FECH: variants seen among roughly 807,000 people sequenced by gnomAD.
FECH encodes ferrochelatase, also known as ferrochelatase, mitochondrial.
FECH carries 40 observed loss-of-function variants against 56.9 expected under a neutral mutation model. That is an observed-to-expected ratio of 0.70 (90% confidence interval 0.55 to 0.92). FECH has a LOEUF of 0.92. Ranked by LOEUF, FECH falls within the 40% of genes least tolerant of loss-of-function variation. FECH has a pLI of 0.00. For missense variants in FECH, 431 were observed against 529.1 expected, an observed-to-expected ratio of 0.81 and a Z score of 1.82; for synonymous variants, 175 against 198.6, an observed-to-expected ratio of 0.88 and a Z score of 1.00.
intron 4 of FECH, among the ~76,000 whole-genome samples, chr18:57,570,034 T>TC (rs1174840350): frequency 1.3e-4 from 3 of 22,510 alleles, no homozygotes; most frequent in Admixed American, 5.4e-4. Flanking sequence ...GTTGTTGTCG[T>TC]GTGTGTGTGT....
chr18:57,582,061 C>CG (rs11407406), intron 1 of FECH, among the ~76,000 whole-genome samples: 1 of 152,096 alleles, frequency 6.6e-6, no homozygotes. Flanking sequence ...TCCTTTTTTA[C>CG]TAAGTTTAAT....
At chr18:57,584,466 A>G (rs893615380) in intron 1 of FECH, among the ~76,000 whole-genome samples, 1 of 152,120 alleles carries the variant, frequency 6.6e-6, no homozygotes, top group African/African-American at 2.4e-5. Context: ...AGAAATAAAG[A>G]AAAAGGAAAA....
chr18:57,575,374 A>G (rs533893684), intron 2 of FECH, among the ~76,000 whole-genome samples: 5 of 152,320 alleles, frequency 3.3e-5, no homozygotes, highest in African/African-American at 1.2e-4. Context: ...AATGCTGCTG[A>G]GACAGAGCCT....
chr18:57,570,850 A>C lies in FECH; in HGVS notation c.463+542T>G, dbSNP rs575926879. On this transcript the variant is annotated intron_variant, in intron 4 of 10. Coordinates refer to ENST00000262093, the MANE Select transcript of FECH (RefSeq NM_000140.5). The stretch of plus-strand genomic sequence containing the variant: ...TCTGGATAGAGGTTCTCAGATGTGC[A>C]CAATCCTCTTTTTGGTGCCACGTCC... Among the ~76,000 whole-genome samples the C allele has an allele frequency of 2.0e-5, 3 of 152,354 alleles. No individual in the cohort carries two copies. The South Asian group carries it at 6.2e-4, about 32-fold the overall frequency.
At position 57,556,637 on chromosome 18, in the gene FECH, G is replaced by A. The variant is rs183948477; in HGVS notation, c.805-1685C>T. 2.0e-4 allele frequency among the ~76,000 whole-genome samples: 31 copies of A among 152,256 alleles called. No individual in the cohort carries two copies. The East Asian group carries it at 3.1e-3, about 15-fold the overall frequency. On this transcript the variant is annotated intron_variant, in intron 7 of 10. Transcript: ENST00000262093. ...CAGAAATATCAACGTGTGGTGGGGC[G>A]TGGCGCCTCACACCTACAATCTCAG... is the stretch of plus-strand genomic sequence containing the variant.
At chr18:57,564,989 C>T (rs867813481) in intron 5 of FECH, among the ~76,000 whole-genome samples, 2 of 152,206 alleles carry the variant, frequency 1.3e-5, no homozygotes, top group South Asian at 2.1e-4. Flanking sequence ...TAACGTACTT[C>T]GCAAAGCCTT....
In FECH at chr18:57,544,819, G is replaced by A. The variant is rs938645580; in HGVS notation, c.*5893C>T. Among the ~76,000 whole-genome samples, 2 of 152,090 alleles carry A rather than the reference G, an allele frequency of 1.3e-5. No homozygotes were observed. The highest frequency in any genetic ancestry group is 4.8e-5 in the African/African-American group (2 of 41,386). ...TCTAAATAATCAACGACAAAAAAAA[G>A]GGCGAAATAATTAGAAAGTAATGAA... On this transcript the variant is annotated 3_prime_UTR_variant, in exon 11 of 11. Coordinates refer to ENST00000262093, the MANE Select transcript of FECH (RefSeq NM_000140.5).
At position 57,572,507 on chromosome 18, in the gene FECH, C is replaced by T. The variant is rs1184956766; in HGVS notation, c.314+739G>A. ...AGCACACCAACATGGCACATGTATA[C>T]GTATGTAAAAAAAAAAAAAAAAAAA... is the stretch of plus-strand genomic sequence containing the variant. On this transcript the variant is annotated intron_variant, in intron 3 of 10. Coordinates refer to ENST00000262093, the MANE Select transcript of FECH (RefSeq NM_000140.5). Among the ~76,000 whole-genome samples, 3 of 77,562 alleles carry T rather than the reference C, an allele frequency of 3.9e-5. 1 individual carries two copies. In the South Asian group the frequency reaches 1.7e-3, roughly 43 times the overall value. 50.9% of individuals were successfully genotyped at this position (77,562 alleles called of 152,430 possible).
Position 57,566,494 on chromosome 18 carries a change from C to G in FECH, c.551G>C (p.Arg184Thr), listed in dbSNP as rs200362247. 1 of 1,614,184 alleles carries G rather than the reference C, an allele frequency of 6.2e-7. No homozygotes were observed. Among genetic ancestry groups the G allele is most frequent in the African/African-American group, 1.3e-5 (1 of 75,066 alleles). The change falls in exon 5 of 11, where the codon AGG becomes ACG. Residue 184 changes from arginine to threonine, a missense_variant. Coordinates refer to ENST00000262093, the MANE Select transcript of FECH (RefSeq NM_000140.5). The stretch of plus-strand genomic sequence containing the variant: ...TGGATACTGTGTGAAAGCAATAGCC[C>G]TTTCTAGGCCATCTCTCTCCATCTC... ...IEEMERDGLERAIAFTQYPQY... is the reference protein window; with the variant it reads ...IEEMERDGLETAIAFTQYPQY...
intron 4 of FECH, among the ~76,000 whole-genome samples, chr18:57,568,427 A>G (rs1413517474): frequency 6.6e-6 from 1 of 152,226 alleles, no homozygotes; most frequent in Non-Finnish European, 1.5e-5. Flanking sequence ...CAACCTGTAA[A>G]CACATATTGG....
chr18:57,555,034 G>A, intron 7 of FECH, 82 bp from the exon 8 acceptor site: 2 of 1,081,254 alleles, frequency 1.8e-6, no homozygotes, highest in Non-Finnish European at 2.9e-6. Flanking sequence ...GACACAGTGT[G>A]AGCCCTGGAA....
rs113052575 is a variant in FECH at position 57,584,547 on chromosome 18, G to A, written c.67+2007C>T. Among the ~76,000 whole-genome samples, 320 of 152,072 alleles carry A rather than the reference G, an allele frequency of 2.1e-3. 2 individuals are homozygous for A. Among genetic ancestry groups the A allele is most frequent in the African/African-American group, 7.5e-3 (310 of 41,456 alleles). On this transcript the variant is annotated intron_variant, in intron 1 of 10. Transcript: ENST00000262093. ...ATTAATATTTTGGATCCTTGTGGGC[G>A]AGGCAGAAGAGGGTGGGGGGCGAGA...
At chr18:57,555,075 A>G in intron 7 of FECH, 123 bp from the exon 8 acceptor site, 2 of 758,490 alleles carry the variant, frequency 2.6e-6, no homozygotes, top group Non-Finnish European at 4.6e-6. Flanking sequence ...TCCTGCACCA[A>G]TGATGATATG....
intron 5 of FECH, 33 bp downstream of exon 5, chr18:57,566,414 T>G: frequency 6.2e-7 from 1 of 1,614,036 alleles, no homozygotes; most frequent in Non-Finnish European, 8.5e-7. Flanking sequence ...CAGCACCGTA[T>G]CTACCTTTCC....
intron 6 of FECH, among the ~76,000 whole-genome samples, chr18:57,561,759 A>G (rs562620907): frequency 6.6e-6 from 1 of 152,260 alleles, no homozygotes; most frequent in African/African-American, 2.4e-5. Context: ...CCACATGTCA[A>G]TGCTGACCTG....
chr18:57,583,481 C>T (rs2122372079), intron 1 of FECH, among the ~76,000 whole-genome samples: 1 of 152,362 alleles, frequency 6.6e-6, no homozygotes, highest in African/African-American at 2.4e-5. Context: ...AAGGCTACTT[C>T]TGCAGGGCTG....
intron 2 of FECH, 149 bp downstream of exon 2, chr18:57,579,924 A>G (rs1423942095): frequency 1.4e-5 from 14 of 1,022,546 alleles, no homozygotes; most frequent in Non-Finnish European, 2.1e-5. Flanking sequence ...TGTAAAATCT[A>G]TGGTTTAACA....
At chr18:57,551,887 CTTTT>C (rs201249549) in intron 9 of FECH, among the ~76,000 whole-genome samples, 1 of 141,402 alleles carries the variant, frequency 7.1e-6, no homozygotes, top group Admixed American at 7.1e-5. Flanking sequence ...ATTCTTTTTT[CTTTT>C]TTTTTTTTTT....
rs978799969 is a variant in FECH at position 57,552,837 on chromosome 18, T to C, written c.1077+1423A>G. Among the ~76,000 whole-genome samples the C allele has an allele frequency of 7.2e-5, 11 of 152,272 alleles. No homozygotes were observed. The South Asian group carries it at 1.2e-3, about 17-fold the overall frequency. ...CATATAAAAGTCAGTTACAACAGAATAACCAGCGTTGGTAAAGGGCATTCT... is the reference window on the plus strand; with the variant it reads ...CATATAAAAGTCAGTTACAACAGAACAACCAGCGTTGGTAAAGGGCATTCT... On this transcript the variant is annotated intron_variant, in intron 9 of 10. Transcript: ENST00000262093.
Sources: gnomAD v4.1 joint callset for allele counts (sites outside exome capture counted in the v4.1 genomes callset) on GRCh38, gnomAD v4.1.1 for gene constraint, MANE v1.5 for transcripts, NCBI Gene and HGNC (gene_info 2026-07-23, HGNC 2026-07-21) for gene names.